The following CALB2 variants were observed in gnomAD, a reference collection of about 807,000 sequenced individuals.
CALB2 encodes calbindin 2, also known as calretinin.
Under a neutral mutation model 45.9 loss-of-function variants are expected in CALB2, and 34 were observed. That is an observed-to-expected ratio of 0.74 (90% confidence interval 0.56 to 0.99). The LOEUF is 0.99. CALB2 is among the 50% of genes least tolerant of loss of function. The probability of loss-of-function intolerance (pLI) is 0.00; values close to 1 mark genes in which losing one functional copy is unlikely to be tolerated. For missense variants in CALB2, 344 were observed against 339.3 expected (o/e 1.01, Z -0.11); for synonymous variants, 142 against 129.6 (o/e 1.10, Z -0.65).
Position 71,376,518 on chromosome 16 carries a change from T to C in CALB2, c.262-1149T>C, listed in dbSNP as rs941815968. On this transcript the variant is annotated intron_variant, in intron 3 of 10. Coordinates refer to ENST00000302628, the MANE Select transcript of CALB2 (RefSeq NM_001740.5). ...ATACATCCACATATACCCACATACA[T>C]CCACATACAACCACATGCATCCACA... is the stretch of plus-strand genomic sequence containing the variant. Among the ~76,000 whole-genome samples the C allele has an allele frequency of 9.9e-4, 148 of 149,946 alleles. 1 individual carries two copies. The highest frequency in any genetic ancestry group is 3.2e-3 in the African/African-American group (128 of 39,816).
At chr16:71,388,291 G>A (rs2042592644) in intron 10 of CALB2, among the ~76,000 whole-genome samples, 1 of 141,382 alleles carries the variant, frequency 7.1e-6, no homozygotes, top group South Asian at 2.2e-4. Flanking sequence ...CTGTGATCAC[G>A]CCATTGCATT....
chr16:71,387,943 T>C (rs1411177312), intron 10 of CALB2, among the ~76,000 whole-genome samples: 1 of 151,538 alleles, frequency 6.6e-6, no homozygotes, highest in Non-Finnish European at 1.5e-5. Context: ...CCCGGCACAA[T>C]GGGAAAAAAA....
Position 71,374,775 on chromosome 16 carries a change from A to T in CALB2, c.202A>T (p.Met68Leu), listed in dbSNP as rs770688056. ...MSKSDNFGEK[M>L]KEFMQKYDKN... ...AAAGAGTGACAACTTTGGAGAAAAG[A>T]TGAAGGAGTTCATGCAGAAGTATGA... Residue 68 changes from methionine (M) to leucine (L), a missense_variant, in exon 3 of 11, where the codon ATG becomes TTG. By Grantham distance (15) the Met-to-Leu change is conservative. Around this residue, in one of 3 missense-constraint regions of CALB2, gnomAD observed 77 missense variants for 80.5 expected, o/e 0.96. Transcript: ENST00000302628. 6.2e-7 allele frequency: 1 copy of T among 1,613,698 alleles called. No individual in the cohort carries two copies. The highest frequency in any genetic ancestry group is 8.5e-7 in the Non-Finnish European group (1 of 1,179,682).
intron 10 of CALB2, among the ~76,000 whole-genome samples, chr16:71,386,549 G>A (rs2042573324): frequency 6.6e-6 from 1 of 152,182 alleles, no homozygotes; most frequent in African/African-American, 2.4e-5. Context: ...GGAATACCCT[G>A]GGAGACCCTC....
At chr16:71,362,656 T>G (rs945732814) in intron 1 of CALB2, among the ~76,000 whole-genome samples, 1 of 152,224 alleles carries the variant, frequency 6.6e-6, no homozygotes, top group Admixed American at 6.5e-5. Flanking sequence ...ATTATTAAGA[T>G]ATTGTTTAAA....
Position 71,383,350 on chromosome 16 carries a change from G to A in CALB2, c.400-17G>A, listed in dbSNP as rs752404823. 3 of 1,611,278 alleles carry A rather than the reference G, an allele frequency of 1.9e-6. No homozygotes were observed. The highest frequency in any genetic ancestry group is 2.5e-6 in the Non-Finnish European group (3 of 1,177,660). ...ATGCACGAGTCAGGAGTACTAAAGA[G>A]GCCTTTTGTGTTGCAGGGATTCCTG... On this transcript the variant is annotated splice_polypyrimidine_tract_variant and intron_variant, in intron 5 of 10. Coordinates refer to ENST00000302628, the MANE Select transcript of CALB2 (RefSeq NM_001740.5).
At chr16:71,381,883 T>G (rs1006491348) in intron 4 of CALB2, among the ~76,000 whole-genome samples, 1 of 151,694 alleles carries the variant, frequency 6.6e-6, no homozygotes, top group African/African-American at 2.4e-5. Flanking sequence ...CGTGTGGTGG[T>G]GCACGCCTGT....
At chr16:71,359,564 T>C (rs2042217548) in intron 1 of CALB2, among the ~76,000 whole-genome samples, 1 of 152,138 alleles carries the variant, frequency 6.6e-6, no homozygotes, top group Non-Finnish European at 1.5e-5. Context: ...ACTTCATCTC[T>C]GGGTAGGGGG....
intron 7 of CALB2, 55 bp from the exon 8 acceptor site, chr16:71,384,284 C>T (rs1401627084): frequency 4.8e-6 from 7 of 1,458,110 alleles, no homozygotes; most frequent in South Asian, 2.3e-5. Flanking sequence ...TCCCCTCTCC[C>T]GCTTGCCCTT....
chr16:71,370,233 G>T (rs373737634), intron 1 of CALB2, among the ~76,000 whole-genome samples: 1 of 152,152 alleles, frequency 6.6e-6, no homozygotes, highest in Admixed American at 6.5e-5. Context: ...TTCTCAGGGG[G>T]CCCTAGGAGG....
At position 71,365,209 on chromosome 16, in the gene CALB2, C is replaced by A. The variant is rs1360122281; in HGVS notation, c.94+6323C>A. Among the ~76,000 whole-genome samples the A allele has an allele frequency of 2.0e-5, 3 of 152,176 alleles. No homozygotes were observed. The East Asian group carries it at 5.8e-4, about 29-fold the overall frequency. On this transcript the variant is annotated intron_variant, in intron 1 of 10. Coordinates refer to ENST00000302628, the MANE Select transcript of CALB2 (RefSeq NM_001740.5). Reference sequence around the variant, plus strand: ...CAGATAGACCGACAAGCGGCCTGGCCTCCTGGATGCCTTCTGGTGCAGCTT... The same window carrying A: ...CAGATAGACCGACAAGCGGCCTGGCATCCTGGATGCCTTCTGGTGCAGCTT...
intron 1 of CALB2, among the ~76,000 whole-genome samples, chr16:71,369,325 C>G (rs929360411): frequency 1.3e-5 from 2 of 152,178 alleles, no homozygotes; most frequent in Admixed American, 1.3e-4. Context: ...GTCCTCTAAT[C>G]TGGGTACGAC....
chr16:71,376,893 C>A (rs2042423074), intron 3 of CALB2, among the ~76,000 whole-genome samples: 1 of 152,030 alleles, frequency 6.6e-6, no homozygotes, highest in Admixed American at 6.6e-5. Context: ...CAGAAAGGAC[C>A]CCTCTTAAGT....
intron 3 of CALB2, 48 bp downstream of exon 3, chr16:71,374,882 T>C: frequency 1.6e-6 from 2 of 1,262,284 alleles, no homozygotes; most frequent in Non-Finnish European, 1.2e-6. Flanking sequence ...GGGCCCTGGG[T>C]CCCTGTGCCT....
intron 3 of CALB2, among the ~76,000 whole-genome samples, chr16:71,375,299 CATAT>C (rs2042397582): frequency 6.6e-6 from 1 of 152,176 alleles, no homozygotes; most frequent in East Asian, 1.9e-4. Flanking sequence ...TCCATGTATA[CATAT>C]ATACATTCAT....
At position 71,389,946 on chromosome 16, in the gene CALB2, G is replaced by C. The variant is rs1183577452; in HGVS notation, c.*81G>C. ...ATGCGTCTACCCAGACTCAGAGACC[G>C]TGAGCGCCCCGCCCCCACCCCTACA... is the stretch of plus-strand genomic sequence containing the variant. On this transcript the variant is annotated 3_prime_UTR_variant, in exon 11 of 11. Transcript: ENST00000302628. 1 of 916,660 alleles carries C rather than the reference G, an allele frequency of 1.1e-6. No homozygotes were observed. The highest frequency in any genetic ancestry group is 1.8e-6 in the Non-Finnish European group (1 of 565,332). The allele number at this position is 916,660 out of a possible 1,614,324, so 56.8% of individuals were successfully genotyped here.
rs145942456 is a variant in CALB2, at chr16:71,379,649, C to T, written c.342+1902C>T. 3.3e-4 allele frequency among the ~76,000 whole-genome samples: 51 copies of T among 152,272 alleles called. 1 individual carries two copies. In the East Asian group the frequency reaches 7.5e-3, roughly 23 times the overall value. On this transcript the variant is annotated intron_variant, in intron 4 of 10. Coordinates refer to ENST00000302628, the MANE Select transcript of CALB2 (RefSeq NM_001740.5). ...GCTCTGATAAATAATAACTGGCCTT[C>T]GACGTGACTCTCTGCCATTCATTGG...
intron 7 of CALB2, 35 bp from the exon 8 acceptor site, chr16:71,384,304 G>T (rs1041700157): frequency 6.3e-7 from 1 of 1,596,790 alleles, no homozygotes; most frequent in Non-Finnish European, 8.6e-7. Flanking sequence ...TGCCTGTGCA[G>T]TCTCCTCATC....
chr16:71,384,174 C>A (rs2042536292), intron 7 of CALB2, 149 bp downstream of exon 7: 1 of 1,027,538 alleles, frequency 9.7e-7, no homozygotes, highest in Non-Finnish European at 1.5e-6. Context: ...CCGTCAACAC[C>A]TCACCTTGTC....
Sources: allele counts gnomAD v4.1 joint callset (sites outside exome capture counted in the v4.1 genomes callset), GRCh38; gene constraint gnomAD v4.1.1; regional missense constraint gnomAD v4.1.1; transcripts MANE v1.5; gene names NCBI Gene and HGNC (gene_info 2026-07-23, HGNC 2026-07-21).